The following NAA15 variants were observed in gnomAD, a reference collection of about 807,000 sequenced individuals.
NAA15 encodes N-alpha-acetyltransferase 15, NatA auxiliary subunit.
Under a neutral mutation model 114.0 loss-of-function variants are expected in NAA15, and 34 were observed. The observed-to-expected ratio is 0.30, with a 90% CI of 0.23 to 0.40. The LOEUF (loss-of-function observed/expected upper bound fraction) is 0.40, where lower values mean the gene tolerates loss of function less well. Ranked by LOEUF, NAA15 falls within the 10% of genes least tolerant of loss-of-function variation. The pLI, the probability that NAA15 is intolerant of heterozygous loss-of-function variation, is 1.00. For synonymous variants in NAA15, 340 were observed against 338.0 expected (o/e 1.01, Z -0.06); for missense variants, 658 against 1,004.5 (o/e 0.66, Z 4.66).
intron 11 of NAA15, 33 bp downstream of exon 11, chr4:139,357,588 T>A: frequency 7.3e-7 from 1 of 1,361,436 alleles, no homozygotes; most frequent in Non-Finnish European, 1.0e-6. Flanking sequence ...TCTTATAAGG[T>A]AATGAGACTT....
intron 14 of NAA15, among the ~76,000 whole-genome samples, chr4:139,368,347 C>T (rs920466934): frequency 7.9e-5 from 12 of 152,100 alleles, no homozygotes; most frequent in African/African-American, 2.4e-4. Flanking sequence ...GAAGCTGAGG[C>T]GGGTGGTTGC....
rs1560953006 is a variant in NAA15, at chr4:139,315,046, G to GTTTAGT, written c.54+13217_54+13218insTAGTTT. ...GTTAGGTTAGGTTAGGTTAGGTTAG[G>GTTTAGT]TTAGGTTAGTTTAGTTTAGTTTAGT... On this transcript the variant is annotated intron_variant, in intron 1 of 19. Transcript: ENST00000296543. Among the ~76,000 whole-genome samples, 89 of 92,636 alleles carry GTTTAGT rather than the reference G, an allele frequency of 9.6e-4. 2 individuals carry two copies. Among genetic ancestry groups the GTTTAGT allele is most frequent in the African/African-American group, 3.1e-3 (81 of 26,112 alleles). 60.8% of individuals were successfully genotyped at this position (92,636 alleles called of 152,430 possible). A position where few individuals can be genotyped will look rare whatever the true frequency, so the allele number is the denominator to read the frequency against.
chr4:139,334,361 C>G, intron 2 of NAA15, 103 bp downstream of exon 2: 1 of 627,798 alleles, frequency 1.6e-6, no homozygotes, highest in Non-Finnish European at 2.6e-6. Context: ...AGAACAGACC[C>G]TCTCATCTTT....
chr4:139,334,496 A>G (rs1303043087), intron 2 of NAA15, among the ~76,000 whole-genome samples: 1 of 151,456 alleles, frequency 6.6e-6, no homozygotes, highest in African/African-American at 2.4e-5. Context: ...GAAAAGAGAA[A>G]TAATAGGATA....
intron 1 of NAA15, among the ~76,000 whole-genome samples, chr4:139,307,295 G>T (rs752759334): frequency 1.4e-4 from 21 of 152,192 alleles, no homozygotes; most frequent in Non-Finnish European, 2.1e-4. Context: ...TTAAGACAGG[G>T]TCTAACTCTA....
At chr4:139,339,778 C>CA (rs1560964627) in intron 3 of NAA15, among the ~76,000 whole-genome samples, 2 of 151,706 alleles carry the variant, frequency 1.3e-5, no homozygotes, top group Admixed American at 1.3e-4. Context: ...ACAACAACAA[C>CA]AAAAAACAAC....
In NAA15 at chr4:139,344,222, C is replaced by T. The variant is rs781456163; in HGVS notation, c.574C>T (p.Leu192=). 3.7e-6 allele frequency: 6 copies of T among 1,612,136 alleles called. No individual in the cohort carries two copies. The African/African-American group carries it at 8.0e-5, about 22-fold the overall frequency. The change falls in exon 6 of 20, where the codon CTA becomes TTA. Residue 192 remains leucine (L), a synonymous_variant. Transcript: ENST00000296543. The part of the protein sequence containing the change: ...PDKVDYEYSE[L]LLYQNQVLRE... ...CAAGGTGGATTATGAATATAGTGAA[C>T]TACTCTTATATCAGAATCAAGTTCT...
chr4:139,339,150 A>G (rs1245773176), intron 3 of NAA15, among the ~76,000 whole-genome samples: 1 of 152,114 alleles, frequency 6.6e-6, no homozygotes, highest in Non-Finnish European at 1.5e-5. Flanking sequence ...GAAACGTTAT[A>G]AGTTTCTGGA....
intron 2 of NAA15, among the ~76,000 whole-genome samples, chr4:139,336,400 A>G (rs1747201422): frequency 6.6e-6 from 1 of 152,190 alleles, no homozygotes; most frequent in African/African-American, 2.4e-5. Flanking sequence ...GAAAATAAAA[A>G]ATGTAGGAAA....
At position 139,327,799 on chromosome 4, in the gene NAA15, A is replaced by G. The variant is rs549825627; in HGVS notation, c.55-6375A>G. On this transcript the variant is annotated intron_variant, in intron 1 of 19. Transcript: ENST00000296543. ...TCCTGCCTCTGCCTCCCTAGTAGCT[A>G]GCATTACAGGCATGCACCACCACAC... Among the ~76,000 whole-genome samples the G allele has an allele frequency of 3.3e-5, 5 of 151,880 alleles. No individual in the cohort carries two copies. The South Asian group carries it at 8.3e-4, about 25-fold the overall frequency.
At chr4:139,353,913 G>A in intron 9 of NAA15, 113 bp from the exon 10 acceptor site, 1 of 721,802 alleles carries the variant, frequency 1.4e-6, no homozygotes, top group Non-Finnish European at 2.4e-6. Context: ...ATAAAGGAGG[G>A]TGTGTGTGTT....
chr4:139,371,499 A>G lies in NAA15; in HGVS notation c.1947+1095A>G, dbSNP rs200959818. Among the ~76,000 whole-genome samples the G allele has an allele frequency of 8.7e-3, 803 of 92,740 alleles. 9 individuals carry two copies. Among genetic ancestry groups the G allele is most frequent in the African/African-American group, 0.082 (720 of 8,740 alleles). The allele number at this position is 92,740 out of a possible 152,430, so 60.8% of individuals were successfully genotyped here. On this transcript the variant is annotated intron_variant, in intron 15 of 19. Coordinates refer to ENST00000296543, the MANE Select transcript of NAA15 (RefSeq NM_057175.5). The stretch of plus-strand genomic sequence containing the variant: ...TAAAAAAAAAAAAAAGAAAAGTAGC[A>G]CACACACACACACACACACACACAC...
intron 7 of NAA15, among the ~76,000 whole-genome samples, chr4:139,349,967 C>CGT (rs1747726757): frequency 6.7e-6 from 1 of 150,266 alleles, no homozygotes; most frequent in African/African-American, 2.5e-5. Context: ...CCCTGGGCAA[C>CGT]AGAGCGAGAC....
chr4:139,341,131 C>G (rs986905551), intron 4 of NAA15, 62 bp downstream of exon 4: 1 of 1,120,638 alleles, frequency 8.9e-7, no homozygotes, highest in Non-Finnish European at 1.2e-6. Flanking sequence ...ACTTTGAGTA[C>G]TTTCAGATAC....
intron 1 of NAA15, 120 bp from the exon 2 acceptor site, chr4:139,334,054 A>G: frequency 1.5e-6 from 1 of 653,096 alleles, no homozygotes; most frequent in Admixed American, 3.4e-5. Context: ...TTTTACCGAG[A>G]TTTAGAAGCA....
intron 1 of NAA15, among the ~76,000 whole-genome samples, chr4:139,331,058 G>A (rs1414361912): frequency 1.3e-5 from 2 of 151,856 alleles, no homozygotes; most frequent in African/African-American, 4.8e-5. Flanking sequence ...ATGTATTCTG[G>A]CACGAATTGT....
At chr4:139,320,710 G>A (rs996624275) in intron 1 of NAA15, among the ~76,000 whole-genome samples, 1 of 152,088 alleles carries the variant, frequency 6.6e-6, no homozygotes, top group African/African-American at 2.4e-5. Context: ...TAATAGAGAC[G>A]GGGTTTCATC....
intron 4 of NAA15, among the ~76,000 whole-genome samples, chr4:139,341,475 G>T (rs1356548665): frequency 6.7e-6 from 1 of 149,622 alleles, no homozygotes; most frequent in African/African-American, 2.5e-5. Flanking sequence ...GGTGCCTGTA[G>T]TCTAGCTACT....
At chr4:139,377,519 C>T (rs1748622910) in intron 16 of NAA15, among the ~76,000 whole-genome samples, 1 of 146,682 alleles carries the variant, frequency 6.8e-6, no homozygotes, top group African/African-American at 2.6e-5. Flanking sequence ...GCCTGGGAAA[C>T]AAGAATCAAA....
Sources: allele counts gnomAD v4.1 joint callset (sites outside exome capture counted in the v4.1 genomes callset), GRCh38; gene constraint gnomAD v4.1.1; transcripts MANE v1.5; gene names NCBI Gene and HGNC (gene_info 2026-07-23, HGNC 2026-07-21).